The following CD9 variants were observed in gnomAD, a reference collection of about 807,000 sequenced individuals.
CD9 encodes the protein CD9 antigen.
CD9 carries 10 observed loss-of-function variants against 31.4 expected under a neutral mutation model. That is an observed-to-expected ratio of 0.32 (90% CI 0.20 to 0.54). The LOEUF is 0.54. Among genes scored for constraint, CD9 ranks in the 20% least tolerant of loss-of-function variants. The pLI is 0.94. For synonymous variants in CD9, 113 were observed against 114.1 expected, an observed-to-expected ratio of 0.99 and a Z score of 0.06; for missense variants, 259 against 300.1, an observed-to-expected ratio of 0.86 and a Z score of 1.01.
At chr12:6,212,065 A>G (rs950716455) in intron 1 of CD9, among the ~76,000 whole-genome samples, 1 of 152,188 alleles carries the variant, frequency 6.6e-6, no homozygotes. Context: ...GCTGAGAAAA[A>G]GCTTACGGAG....
chr12:6,233,445 G>A lies in CD9; in HGVS notation c.307G>A (p.Glu103Lys). The A allele has an allele frequency of 6.2e-7, 1 of 1,614,136 alleles. No individual in the cohort carries two copies. Among genetic ancestry groups the A allele is most frequent in the Non-Finnish European group, 8.5e-7 (1 of 1,179,990 alleles). ...FGFLLVIFAI[E>K]IAAAIWGYSH... is the part of the protein sequence containing the mutation. ...CTTCCTCTTGGTGATATTCGCCATTGAAATAGCTGCGGCCATCTGGGGATA... is the reference window on the plus strand; with the variant it reads ...CTTCCTCTTGGTGATATTCGCCATTAAAATAGCTGCGGCCATCTGGGGATA... The change falls in exon 4 of 8, where the codon GAA (glutamate) becomes AAA (lysine). Residue 103 changes from glutamate (E) to lysine (K), a missense_variant. By Grantham distance (56) the Glu-to-Lys change is moderately conservative. Transcript: ENST00000009180.
chr12:6,200,310 G>C, upstream of CD9: 1 of 356,078 alleles, frequency 2.8e-6, no homozygotes, highest in Admixed American at 4.6e-5. Context: ...GGGGGAGTGG[G>C]GGCGGCTTTT....
chr12:6,210,410 C>T (rs992031638), intron 1 of CD9, among the ~76,000 whole-genome samples: 1 of 152,208 alleles, frequency 6.6e-6, no homozygotes, highest in Non-Finnish European at 1.5e-5. Flanking sequence ...AAGGGTGTGG[C>T]TGAAGCTCTC....
chr12:6,204,590 A>G (rs1946110553), intron 1 of CD9, among the ~76,000 whole-genome samples: 1 of 152,028 alleles, frequency 6.6e-6, no homozygotes, highest in Admixed American at 6.5e-5. Flanking sequence ...ATACCTTAGT[A>G]CTTGGCCTAG....
intron 4 of CD9, 76 bp downstream of exon 4, chr12:6,233,562 G>A: frequency 8.9e-7 from 1 of 1,127,306 alleles, no homozygotes; most frequent in Non-Finnish European, 1.4e-6. Flanking sequence ...GCAAGTCCTG[G>A]CTGGGCACTT....
intron 1 of CD9, among the ~76,000 whole-genome samples, chr12:6,221,073 A>C (rs145104811): frequency 6.6e-6 from 1 of 152,316 alleles, no homozygotes; most frequent in African/African-American, 2.4e-5. Flanking sequence ...AGTATTTTGT[A>C]GACTGTGCTC....
At chr12:6,206,848 G>A (rs1946137548) in intron 1 of CD9, among the ~76,000 whole-genome samples, 1 of 151,422 alleles carries the variant, frequency 6.6e-6, no homozygotes, top group African/African-American at 2.4e-5. Context: ...CTTGGAATCA[G>A]TACGACCTGC....
intron 1 of CD9, among the ~76,000 whole-genome samples, chr12:6,209,070 G>A (rs1268564699): frequency 6.6e-6 from 1 of 152,096 alleles, no homozygotes; most frequent in Non-Finnish European, 1.5e-5. Flanking sequence ...CCAGGTTCAA[G>A]TGATTCTCCC....
intron 1 of CD9, among the ~76,000 whole-genome samples, chr12:6,207,730 G>A (rs1946148584): frequency 6.6e-6 from 1 of 152,194 alleles, no homozygotes; most frequent in Admixed American, 6.5e-5. Flanking sequence ...TTGAGTAACT[G>A]GGAAAGGCAA....
chr12:6,213,300 C>T (rs910370200), intron 1 of CD9, among the ~76,000 whole-genome samples: 1 of 152,220 alleles, frequency 6.6e-6, no homozygotes, highest in Non-Finnish European at 1.5e-5. Flanking sequence ...TCAGTCAATG[C>T]TGAAATTTAC....
intron 2 of CD9, among the ~76,000 whole-genome samples, chr12:6,230,512 A>G (rs905553718): frequency 2.0e-5 from 3 of 152,194 alleles, no homozygotes; most frequent in Non-Finnish European, 4.4e-5. Flanking sequence ...ACGGTATTTC[A>G]TGTGTTTGTA....
At chr12:6,222,540 G>A (rs1009651523) in intron 1 of CD9, among the ~76,000 whole-genome samples, 14 of 152,294 alleles carry the variant, frequency 9.2e-5, no homozygotes, top group East Asian at 5.8e-4. Context: ...GTCCGAATGC[G>A]GGGGACTCCC....
intron 1 of CD9, among the ~76,000 whole-genome samples, chr12:6,223,756 C>G (rs560692903): frequency 2.0e-5 from 3 of 152,152 alleles, no homozygotes; most frequent in Admixed American, 2.0e-4. Context: ...TGCTCTTGGT[C>G]GGGGAACCCA....
At chr12:6,209,424 GC>G (rs1379925154) in intron 1 of CD9, among the ~76,000 whole-genome samples, 2 of 152,112 alleles carry the variant, frequency 1.3e-5, no homozygotes, top group African/African-American at 4.8e-5. Flanking sequence ...TCCCTCAGCG[GC>G]CCCGTTCCTA....
intron 1 of CD9, chr12:6,225,171 G>A (rs974490480): frequency 3.8e-6 from 2 of 522,420 alleles, no homozygotes; most frequent in African/African-American, 3.8e-5. Context: ...GCTGTATAGT[G>A]TTCTGTTGCC....
chr12:6,211,070 T>G (rs1349496991), intron 1 of CD9, among the ~76,000 whole-genome samples: 1 of 152,054 alleles, frequency 6.6e-6, no homozygotes, highest in Non-Finnish European at 1.5e-5. Flanking sequence ...ACTCCTGACC[T>G]TGTGATCCTC....
chr12:6,226,236 C>T (rs1380357154), intron 2 of CD9: 1 of 152,206 alleles, frequency 6.6e-6, no homozygotes, highest in Non-Finnish European at 1.5e-5. Context: ...CATTCTATCC[C>T]TCTCGTTGCC....
chr12:6,222,786 G>A (rs1223452094), intron 1 of CD9, among the ~76,000 whole-genome samples: 4 of 152,222 alleles, frequency 2.6e-5, no homozygotes, highest in Admixed American at 1.3e-4. Flanking sequence ...TCTGAGCGTG[G>A]AACATTCCCA....
At chr12:6,236,093 C>T in intron 6 of CD9, 99 bp from the exon 7 acceptor site, 1 of 1,552,290 alleles carries the variant, frequency 6.4e-7, no homozygotes, top group South Asian at 1.2e-5. Context: ...CCACCCTCTG[C>T]CCACCAGTTC....
Sources: allele counts gnomAD v4.1 joint callset (sites outside exome capture counted in the v4.1 genomes callset), GRCh38; gene constraint gnomAD v4.1.1; transcripts MANE v1.5; gene names NCBI Gene and HGNC (gene_info 2026-07-23, HGNC 2026-07-21).